RBFOX1: variants seen among roughly 807,000 people sequenced by gnomAD.
RBFOX1 encodes the protein RNA binding protein fox-1 homolog 1.
A neutral mutation model predicts 57.7 loss-of-function variants in RBFOX1; 8 were observed. That is an observed-to-expected ratio of 0.14 (90% CI 0.08 to 0.25). RBFOX1 has a LOEUF of 0.25. Among genes scored for constraint, RBFOX1 ranks in the 10% least tolerant of loss-of-function variants. The probability of loss-of-function intolerance (pLI) is 1.00; values close to 1 mark genes in which losing one functional copy is unlikely to be tolerated. For missense variants in RBFOX1, 611 were observed against 548.5 expected, an observed-to-expected ratio of 1.11 and a Z score of -1.14; for synonymous variants, 326 against 222.4, an observed-to-expected ratio of 1.47 and a Z score of -4.15.
intron 4 of RBFOX1, among the ~76,000 whole-genome samples, chr16:7,124,482 A>G (rs1447833313): frequency 6.7e-6 from 1 of 148,768 alleles, no homozygotes; most frequent in East Asian, 2.0e-4. Flanking sequence ...TGAACCAACC[A>G]TCCTCCCTCC....
intron 3 of RBFOX1, among the ~76,000 whole-genome samples, chr16:6,903,693 C>T (rs899877553): frequency 2.6e-5 from 4 of 152,062 alleles, no homozygotes; most frequent in East Asian, 1.9e-4. Context: ...TTCAGAAAGT[C>T]TTTAAGGGCA....
intron 4 of RBFOX1, among the ~76,000 whole-genome samples, chr16:7,498,437 A>G (rs1024979621): frequency 4.0e-5 from 5 of 124,014 alleles, no homozygotes; most frequent in Admixed American, 1.6e-4. Context: ...TATGAATCAC[A>G]TATGTAGTGG....
intron 4 of RBFOX1, among the ~76,000 whole-genome samples, chr16:5,954,588 G>T (rs896776829): frequency 6.6e-6 from 1 of 152,116 alleles, no homozygotes; most frequent in East Asian, 1.9e-4. Context: ...GCCAGAAAGG[G>T]CATTGTTTTG....
At chr16:6,513,551 T>C (rs1250979112) in intron 2 of RBFOX1, among the ~76,000 whole-genome samples, 2 of 151,986 alleles carry the variant, frequency 1.3e-5, no homozygotes, top group Non-Finnish European at 2.9e-5. Flanking sequence ...CTAGCCAACA[T>C]GGTGAAAACC....
chr16:7,659,924 C>T (rs2067269315), intron 12 of RBFOX1, among the ~76,000 whole-genome samples: 1 of 151,920 alleles, frequency 6.6e-6, no homozygotes, highest in African/African-American at 2.4e-5. Context: ...GTACAAACAG[C>T]ACACACACAC....
intron 3 of RBFOX1, among the ~76,000 whole-genome samples, chr16:7,025,681 C>T (rs999102060): frequency 6.6e-6 from 1 of 152,134 alleles, no homozygotes; most frequent in African/African-American, 2.4e-5. Context: ...CTGGAGAAGG[C>T]CTGGCCTGGC....
chr16:6,562,840 C>CTT (rs1555553714), intron 2 of RBFOX1, among the ~76,000 whole-genome samples: 1 of 35,718 alleles, frequency 2.8e-5, no homozygotes, highest in Non-Finnish European at 4.7e-5. Flanking sequence ...TCTTTTCTTT[C>CTT]TTTCTTTCTT....
At position 6,969,439 on chromosome 16, in the gene RBFOX1, C is replaced by T. The variant is rs144907739; in HGVS notation, c.-15-82618C>T. ...ATAATTGTGATTTTGTACAACATTA[C>T]ATTCAAATAAGGTGGCCGGGTGTGG... On this transcript the variant is annotated intron_variant, in intron 3 of 15. Coordinates refer to ENST00000550418, the MANE Select transcript of RBFOX1 (RefSeq NM_018723.4). 6.0e-3 allele frequency among the ~76,000 whole-genome samples: 918 copies of T among 152,174 alleles called. 14 individuals are homozygous for T. The highest frequency in any genetic ancestry group is 0.021 in the African/African-American group (871 of 41,514).
At chr16:5,566,154 G>A (rs573408098) in intron 2 of RBFOX1, among the ~76,000 whole-genome samples, 6 of 152,096 alleles carry the variant, frequency 3.9e-5, no homozygotes, top group African/African-American at 1.2e-4. Flanking sequence ...ACCCAGTCTC[G>A]GGCATGTCTT....
chr16:7,503,057 T>C (rs535220714), intron 4 of RBFOX1, among the ~76,000 whole-genome samples: 9 of 152,232 alleles, frequency 5.9e-5, no homozygotes, highest in Admixed American at 2.0e-4. Context: ...AATTTATCCA[T>C]GTCCAAGATT....
At chr16:5,706,347 C>A (rs1011455295) in intron 3 of RBFOX1, among the ~76,000 whole-genome samples, 1 of 152,150 alleles carries the variant, frequency 6.6e-6, no homozygotes, top group African/African-American at 2.4e-5. Flanking sequence ...AAATACAGTT[C>A]CAAGCAAGCT....
chr16:7,529,233 C>T (rs998383339), intron 5 of RBFOX1, among the ~76,000 whole-genome samples: 1 of 152,158 alleles, frequency 6.6e-6, no homozygotes, highest in Non-Finnish European at 1.5e-5. Context: ...CACACTCCAC[C>T]CTGAGTGACA....
chr16:5,285,958 G>C (rs1950459861), intron 1 of RBFOX1, among the ~76,000 whole-genome samples: 1 of 152,116 alleles, frequency 6.6e-6, no homozygotes, highest in African/African-American at 2.4e-5. Flanking sequence ...TTTTAGTAGA[G>C]ACAGGGTTTC....
intron 1 of RBFOX1, among the ~76,000 whole-genome samples, chr16:5,434,075 A>C (rs1215723782): frequency 2.0e-5 from 3 of 152,112 alleles, no homozygotes; most frequent in African/African-American, 7.2e-5. Context: ...AGCCTTGCAA[A>C]ACTCTCAGCT....
At chr16:6,429,423 C>G (rs753283388) in intron 2 of RBFOX1, among the ~76,000 whole-genome samples, 3 of 152,212 alleles carry the variant, frequency 2.0e-5, no homozygotes, top group Non-Finnish European at 2.9e-5. Flanking sequence ...CCAACATTCA[C>G]TTTTCTATAG....
intron 4 of RBFOX1, among the ~76,000 whole-genome samples, chr16:7,202,023 A>G (rs923341670): frequency 1.1e-4 from 16 of 152,178 alleles, no homozygotes; most frequent in Non-Finnish European, 1.5e-4. Flanking sequence ...TAGAATTTGC[A>G]TTGACTTTGG....
At chr16:5,308,362 C>G (rs1417299008) in intron 1 of RBFOX1, among the ~76,000 whole-genome samples, 1 of 151,100 alleles carries the variant, frequency 6.6e-6, no homozygotes, top group Non-Finnish European at 1.5e-5. Flanking sequence ...AAATCACTTT[C>G]TGCCTTTGTC....
chr16:7,009,358 C>G (rs975327728), intron 3 of RBFOX1, among the ~76,000 whole-genome samples: 2 of 150,340 alleles, frequency 1.3e-5, no homozygotes, highest in Admixed American at 6.7e-5. Context: ...GCCAAGCAGT[C>G]TCTTGGAATT....
intron 1 of RBFOX1, among the ~76,000 whole-genome samples, chr16:6,132,799 C>T (rs1266597151): frequency 6.6e-6 from 1 of 151,822 alleles, no homozygotes; most frequent in Non-Finnish European, 1.5e-5. Context: ...CCAGCCTGGC[C>T]AACATAGGAA....
Sources: allele counts gnomAD v4.1 joint callset (sites outside exome capture counted in the v4.1 genomes callset), GRCh38; gene constraint gnomAD v4.1.1; transcripts MANE v1.5; gene names NCBI Gene and HGNC (gene_info 2026-07-23, HGNC 2026-07-21).